Variants in ACSS3 observed in about 807,000 individuals in gnomAD.
The protein encoded by ACSS3 is acyl-CoA synthetase short chain family member 3.
ACSS3 carries 64 observed loss-of-function variants against 84.2 expected under a neutral mutation model. That is an observed-to-expected ratio of 0.76 (90% CI 0.62 to 0.94). ACSS3 has a LOEUF of 0.94. Ranked by LOEUF, ACSS3 falls within the 40% of genes least tolerant of loss-of-function variation. ACSS3 has a pLI of 0.00. For missense variants in ACSS3, 815 were observed against 867.6 expected, an observed-to-expected ratio of 0.94 and a Z score of 0.76; for synonymous variants, 317 against 310.1, an observed-to-expected ratio of 1.02 and a Z score of -0.23.
chr12:81,146,307 A>G (rs897781109), intron 5 of ACSS3, among the ~76,000 whole-genome samples: 1 of 152,190 alleles, frequency 6.6e-6, no homozygotes, highest in Non-Finnish European at 1.5e-5. Context: ...CATAGGTATA[A>G]TCAGGATTAA....
At chr12:81,207,090 T>G (rs552766819) in intron 9 of ACSS3, among the ~76,000 whole-genome samples, 23 of 152,276 alleles carry the variant, frequency 1.5e-4, no homozygotes, top group African/African-American at 5.1e-4. Context: ...TAAAGTTGTT[T>G]TGGCCTTTGA....
At chr12:81,091,830 A>G (rs1250200799) in intron 1 of ACSS3, among the ~76,000 whole-genome samples, 1 of 152,152 alleles carries the variant, frequency 6.6e-6, no homozygotes, top group Non-Finnish European at 1.5e-5. Flanking sequence ...ATGTTGGTAC[A>G]TAATAACAGC....
chr12:81,098,346 A>C (rs1882237488), intron 1 of ACSS3, among the ~76,000 whole-genome samples: 1 of 152,104 alleles, frequency 6.6e-6, no homozygotes, highest in South Asian at 2.1e-4. Context: ...TGGATAGCTC[A>C]TATTTATTTC....
intron 1 of ACSS3, among the ~76,000 whole-genome samples, chr12:81,103,974 A>G (rs547355970): frequency 6.6e-6 from 1 of 152,320 alleles, no homozygotes; most frequent in African/African-American, 2.4e-5. Flanking sequence ...ATTTGTTAAC[A>G]TATATGATAT....
At chr12:81,156,853 T>C (rs1886900480) in intron 7 of ACSS3, among the ~76,000 whole-genome samples, 1 of 152,202 alleles carries the variant, frequency 6.6e-6, no homozygotes, top group South Asian at 2.1e-4. Flanking sequence ...TGGAAAATTC[T>C]ACCAATGTTT....
At chr12:81,114,088 A>G (rs1883832771) in intron 2 of ACSS3, among the ~76,000 whole-genome samples, 1 of 152,040 alleles carries the variant, frequency 6.6e-6, no homozygotes, top group South Asian at 2.1e-4. Flanking sequence ...TATTTCAACA[A>G]TTATGAATTT....
At chr12:81,134,459 C>G (rs1885682442) in intron 2 of ACSS3, among the ~76,000 whole-genome samples, 2 of 152,100 alleles carry the variant, frequency 1.3e-5, no homozygotes, top group Non-Finnish European at 2.9e-5. Flanking sequence ...TACATAGGCT[C>G]TACAGGGACA....
At chr12:81,116,792 A>C (rs1404657356) in intron 2 of ACSS3, among the ~76,000 whole-genome samples, 4 of 152,166 alleles carry the variant, frequency 2.6e-5, no homozygotes, top group African/African-American at 9.6e-5. Flanking sequence ...ATTTATAAGA[A>C]AGTAAAATCT....
chr12:81,256,175 G>A lies in ACSS3; in HGVS notation c.*1253G>A, dbSNP rs1334794182. The A allele has an allele frequency of 6.6e-6, 1 of 152,090 alleles. No individual in the cohort carries two copies. The highest frequency in any genetic ancestry group is 1.5e-5 in the Non-Finnish European group (1 of 68,012). The allele number at this position is 152,090 out of a possible 1,614,324, so 9.4% of individuals were successfully genotyped here. A position where few individuals can be genotyped will look rare whatever the true frequency, so the allele number is the denominator to read the frequency against. On this transcript the variant is annotated 3_prime_UTR_variant, in exon 16 of 16. Coordinates refer to ENST00000548058, the MANE Select transcript of ACSS3 (RefSeq NM_024560.4). Reference sequence around the variant, plus strand: ...ACCTGCTATACCTCAAGGAGCAGCGGACCCAGCAGAATATGGCCCAAAAAG... The same window carrying A: ...ACCTGCTATACCTCAAGGAGCAGCGAACCCAGCAGAATATGGCCCAAAAAG...
chr12:81,149,463 A>G (rs1886505938), intron 5 of ACSS3, among the ~76,000 whole-genome samples: 1 of 152,180 alleles, frequency 6.6e-6, no homozygotes, highest in African/African-American at 2.4e-5. Context: ...TATACTTTCA[A>G]ACCTCTTACA....
At chr12:81,156,883 G>C (rs1886902065) in intron 7 of ACSS3, among the ~76,000 whole-genome samples, 1 of 152,150 alleles carries the variant, frequency 6.6e-6, no homozygotes, top group African/African-American at 2.4e-5. Context: ...GAGGAGGCAG[G>C]TGGCTGGTAT....
Position 81,094,182 on chromosome 12 carries a change from C to CTGTGTG in ACSS3, c.312-15377_312-15376insGTGTGT, listed in dbSNP as rs1461559245. On this transcript the variant is annotated intron_variant, in intron 1 of 15. Transcript: ENST00000548058. ...CCTCTCTCTCTCTCTCTGTCTCTCT[C>CTGTGTG]TCTGTGTGTGTGTGTGTGTGTGTGT... Among the ~76,000 whole-genome samples, 7 of 124,488 alleles carry CTGTGTG rather than the reference C, an allele frequency of 5.6e-5. No homozygotes were observed. In the East Asian group the frequency reaches 5.9e-4, roughly 11 times the overall value. 81.7% of individuals were successfully genotyped at this position (124,488 alleles called of 152,430 possible).
chr12:81,249,401 T>G lies in ACSS3; in HGVS notation c.1720-3906T>G, dbSNP rs117111458. ...TTTCTTAAATAATCCCACTAATATT[T>G]GTGGGAACTTGGAAATCTGGTGTTA... On this transcript the variant is annotated intron_variant, in intron 13 of 15. Transcript: ENST00000548058. Among the ~76,000 whole-genome samples the G allele has an allele frequency of 2.6e-3, 388 of 152,142 alleles. 10 individuals carry two copies. In the East Asian group the frequency reaches 0.063, roughly 25 times the overall value.
intron 13 of ACSS3, among the ~76,000 whole-genome samples, chr12:81,239,733 T>C (rs981060014): frequency 6.6e-5 from 10 of 152,028 alleles, no homozygotes; most frequent in Non-Finnish European, 1.2e-4. Context: ...ATGGGAATTA[T>C]GGAAGCCACA....
chr12:81,197,910 C>T (rs1469772980), intron 8 of ACSS3, among the ~76,000 whole-genome samples: 2 of 152,118 alleles, frequency 1.3e-5, no homozygotes, highest in Non-Finnish European at 2.9e-5. Context: ...GCATCGATTT[C>T]CCATCCCCTG....
chr12:81,143,104 T>C lies in ACSS3; in HGVS notation c.781-3T>C. ...TACATATTCTTATATTTTTGCTGTG[T>C]AGGAGGCGGTTCCTTTGGCTCCCGG... On this transcript the variant is annotated splice_region_variant and splice_polypyrimidine_tract_variant and intron_variant, in intron 4 of 15. Coordinates refer to ENST00000548058, the MANE Select transcript of ACSS3 (RefSeq NM_024560.4). The C allele has an allele frequency of 1.9e-6, 3 of 1,611,886 alleles. No individual in the cohort carries two copies.
At chr12:81,215,704 C>G in intron 9 of ACSS3, among the ~76,000 whole-genome samples, 1 of 152,170 alleles carries the variant, frequency 6.6e-6, no homozygotes, top group East Asian at 1.9e-4. Flanking sequence ...AAACTTTTCA[C>G]TAACCAAATA....
At chr12:81,197,937 G>A (rs941178804) in intron 8 of ACSS3, among the ~76,000 whole-genome samples, 5 of 151,832 alleles carry the variant, frequency 3.3e-5, no homozygotes, top group African/African-American at 4.8e-5. Flanking sequence ...ACCCCAATAT[G>A]TGCTACCCCC....
intron 1 of ACSS3, among the ~76,000 whole-genome samples, chr12:81,093,275 C>A (rs542941153): frequency 5.3e-4 from 81 of 151,946 alleles, no homozygotes; most frequent in Non-Finnish European, 7.7e-4. Context: ...CATGGTGAGA[C>A]CCCATCTCTA....
Sources: allele counts gnomAD v4.1 joint callset (sites outside exome capture counted in the v4.1 genomes callset), GRCh38; gene constraint gnomAD v4.1.1; transcripts MANE v1.5; gene names NCBI Gene and HGNC (gene_info 2026-07-23, HGNC 2026-07-21).